Variants in CACNA2D1 observed in about 807,000 individuals in gnomAD.
CACNA2D1 encodes calcium voltage-gated channel auxiliary subunit alpha2delta 1.
A neutral mutation model predicts 171.5 loss-of-function variants in CACNA2D1; 53 were observed. The ratio of observed to expected loss-of-function variants is 0.31; its 90% CI spans 0.25 to 0.39. The LOEUF (loss-of-function observed/expected upper bound fraction) is 0.39, where lower values mean the gene tolerates loss of function less well. Ranked by LOEUF, CACNA2D1 falls within the 10% of genes least tolerant of loss-of-function variation. The pLI is 1.00. For synonymous variants in CACNA2D1, 442 were observed against 443.1 expected (o/e 1.00, Z 0.03); for missense variants, 903 against 1,299.8 (o/e 0.69, Z 4.69).
intron 2 of CACNA2D1, among the ~76,000 whole-genome samples, chr7:82,336,691 G>A (rs768866551): frequency 5.3e-5 from 8 of 152,152 alleles, no homozygotes; most frequent in Non-Finnish European, 8.8e-5. Flanking sequence ...TTCATCCAAT[G>A]CAAAGCTTTC....
intron 1 of CACNA2D1, among the ~76,000 whole-genome samples, chr7:82,403,048 G>C (rs1030975386): frequency 6.6e-6 from 1 of 152,026 alleles, no homozygotes; most frequent in Non-Finnish European, 1.5e-5. Flanking sequence ...GGAATGGAAG[G>C]GCATAAAAAG....
intron 1 of CACNA2D1, among the ~76,000 whole-genome samples, chr7:82,375,449 G>T (rs573506212): frequency 2.6e-5 from 4 of 152,298 alleles, no homozygotes; most frequent in Admixed American, 6.5e-5. Flanking sequence ...GATCACAAGA[G>T]TATGGGGGTG....
intron 6 of CACNA2D1, among the ~76,000 whole-genome samples, chr7:82,105,024 C>T (rs1787570653): frequency 1.3e-5 from 2 of 152,012 alleles, no homozygotes; most frequent in South Asian, 2.1e-4. Context: ...CAGGAATTAT[C>T]TTATTTTTCA....
Position 82,109,247 on chromosome 7 carries a change from G to A in CACNA2D1, c.526+7797C>T, listed in dbSNP as rs552229138. Among the ~76,000 whole-genome samples, 51 of 151,674 alleles carry A rather than the reference G, an allele frequency of 3.4e-4. No homozygotes were observed. In the South Asian group the frequency reaches 0.01, roughly 30 times the overall value. ...AACCCTTTTTTTTGCAAATTATCTG[G>A]TTTTAAAAAATCAATAAACACAAAA... On this transcript the variant is annotated intron_variant, in intron 6 of 38. Transcript: ENST00000356860.
chr7:82,280,672 A>C (rs1323312064), intron 3 of CACNA2D1, among the ~76,000 whole-genome samples: 1 of 152,050 alleles, frequency 6.6e-6, no homozygotes, highest in Non-Finnish European at 1.5e-5. Context: ...CTTACTTATT[A>C]ATTATTTTAA....
chr7:82,398,707 A>G (rs1826011177), intron 1 of CACNA2D1, among the ~76,000 whole-genome samples: 1 of 151,692 alleles, frequency 6.6e-6, no homozygotes, highest in Admixed American at 6.6e-5. Flanking sequence ...CCTCCCGAGT[A>G]GCTGGGACTA....
chr7:82,103,919 A>AT (rs1052630756), intron 6 of CACNA2D1, among the ~76,000 whole-genome samples: 1 of 152,012 alleles, frequency 6.6e-6, no homozygotes, highest in Non-Finnish European at 1.5e-5. Flanking sequence ...TAAACAAAAA[A>AT]TATACTTTAT....
At chr7:82,061,643 A>G (rs1806932240) in intron 9 of CACNA2D1, among the ~76,000 whole-genome samples, 1 of 152,188 alleles carries the variant, frequency 6.6e-6, no homozygotes, top group Admixed American at 6.5e-5. Flanking sequence ...CAGTAAAGAA[A>G]GAGTTTAATT....
intron 3 of CACNA2D1, among the ~76,000 whole-genome samples, chr7:82,318,610 T>C (rs1230085944): frequency 6.6e-6 from 1 of 152,188 alleles, no homozygotes; most frequent in East Asian, 1.9e-4. Context: ...TTCTTCTCTT[T>C]CAATCCTTCT....
At chr7:82,377,645 A>G (rs1304554888) in intron 1 of CACNA2D1, among the ~76,000 whole-genome samples, 1 of 152,204 alleles carries the variant, frequency 6.6e-6, no homozygotes, top group Non-Finnish European at 1.5e-5. Flanking sequence ...CACTGTGATT[A>G]GAGGTTAGGA....
At chr7:82,412,908 C>T (rs2129455579) in intron 1 of CACNA2D1, among the ~76,000 whole-genome samples, 1 of 151,922 alleles carries the variant, frequency 6.6e-6, no homozygotes, top group Non-Finnish European at 1.5e-5. Context: ...AAACATTTCC[C>T]GTTATTTTTC....
chr7:82,111,702 G>C (rs973178910), intron 6 of CACNA2D1, among the ~76,000 whole-genome samples: 2 of 151,628 alleles, frequency 1.3e-5, no homozygotes, highest in African/African-American at 4.8e-5. Flanking sequence ...GCCCACTTTG[G>C]TCTCCCAAAG....
At position 82,191,753 on chromosome 7, in the gene CACNA2D1, C is replaced by T. The variant is rs139616996; in HGVS notation, c.295-21144G>A. Reference sequence around the variant, plus strand: ...TCATATAATCAACTGCAAGTATAAACAGACGTTTGAAAGCAGCAAATCAAA... The same window carrying T: ...TCATATAATCAACTGCAAGTATAAATAGACGTTTGAAAGCAGCAAATCAAA... On this transcript the variant is annotated intron_variant, in intron 3 of 38. Transcript: ENST00000356860. Among the ~76,000 whole-genome samples, 562 of 151,788 alleles carry T rather than the reference C, an allele frequency of 3.7e-3. 5 individuals carry two copies. The highest frequency in any genetic ancestry group is 0.013 in the African/African-American group (533 of 41,486).
intron 1 of CACNA2D1, among the ~76,000 whole-genome samples, chr7:82,424,877 A>C (rs1829038607): frequency 6.6e-6 from 1 of 152,222 alleles, no homozygotes; most frequent in Admixed American, 6.5e-5. Context: ...GTGAGCACGT[A>C]AAGTAGGAAA....
In CACNA2D1 at chr7:82,103,253, G is replaced by A. The variant is rs1328134810; in HGVS notation, c.526+13791C>T. ...AACCAGGAGGTGGAGGTTGCAGTGAGCTACTGCACTCCAGCCTGGGTGACA... is the reference window on the plus strand; with the variant it reads ...AACCAGGAGGTGGAGGTTGCAGTGAACTACTGCACTCCAGCCTGGGTGACA... On this transcript the variant is annotated intron_variant, in intron 6 of 38. Coordinates refer to ENST00000356860, the MANE Select transcript of CACNA2D1 (RefSeq NM_000722.4). Among the ~76,000 whole-genome samples the A allele has an allele frequency of 3.9e-5, 6 of 152,250 alleles. No individual in the cohort carries two copies. In the East Asian group the frequency reaches 1.2e-3, roughly 29 times the overall value.
At chr7:82,109,067 A>G (rs1320667874) in intron 6 of CACNA2D1, among the ~76,000 whole-genome samples, 4 of 152,118 alleles carry the variant, frequency 2.6e-5, no homozygotes, top group Non-Finnish European at 5.9e-5. Flanking sequence ...TTATAATTTA[A>G]ATAGCTCTTT....
intron 4 of CACNA2D1, among the ~76,000 whole-genome samples, chr7:82,164,703 C>T (rs1392937567): frequency 6.6e-6 from 1 of 151,928 alleles, no homozygotes; most frequent in Non-Finnish European, 1.5e-5. Context: ...AATGGAGAGT[C>T]ACTGAAGATT....
chr7:82,238,430 A>G (rs1356959023), intron 3 of CACNA2D1, among the ~76,000 whole-genome samples: 1 of 152,114 alleles, frequency 6.6e-6, no homozygotes, highest in Non-Finnish European at 1.5e-5. Context: ...GGACATGAAC[A>G]GACACTTTCC....
intron 15 of CACNA2D1, 121 bp downstream of exon 15, chr7:82,012,033 T>C (rs1375762186): frequency 2.8e-6 from 2 of 721,166 alleles, no homozygotes; most frequent in East Asian, 2.6e-5. Flanking sequence ...AAGTCTGTGA[T>C]AGAAGAAATT....
Sources: gnomAD v4.1 joint callset for allele counts (sites outside exome capture counted in the v4.1 genomes callset) on GRCh38, gnomAD v4.1.1 for gene constraint, MANE v1.5 for transcripts, NCBI Gene and HGNC (gene_info 2026-07-23, HGNC 2026-07-21) for gene names.